WNT3: variants seen among roughly 807,000 people sequenced by gnomAD.
The protein encoded by WNT3 is proto-oncogene Wnt-3.
A neutral mutation model predicts 34.2 loss-of-function variants in WNT3; 7 were observed. That is an observed-to-expected ratio of 0.20 (90% confidence interval 0.12 to 0.38). WNT3 has a LOEUF of 0.38. Ranked by LOEUF, WNT3 falls within the 10% of genes least tolerant of loss-of-function variation. The probability of loss-of-function intolerance (pLI) is 1.00; values close to 1 mark genes in which losing one functional copy is unlikely to be tolerated. For missense variants in WNT3, 267 were observed against 499.8 expected (o/e 0.53, Z 4.44); for synonymous variants, 212 against 211.5 (o/e 1.00, Z -0.02).
At chr17:46,807,257 T>C (rs183529886) in intron 1 of WNT3, among the ~76,000 whole-genome samples, 1 of 152,294 alleles carries the variant, frequency 6.6e-6, no homozygotes, top group Non-Finnish European at 1.5e-5. Context: ...CCGAGGCAGG[T>C]GGATCACTTG....
At chr17:46,773,642 C>G (rs763518846) in intron 2 of WNT3, 26 bp downstream of exon 2, 3 of 861,692 alleles carry the variant, frequency 3.5e-6, no homozygotes, top group African/African-American at 1.8e-5. Flanking sequence ...CCAGCCCCTC[C>G]CCCCCCCTCA....
At chr17:46,786,806 G>A (rs1453224053) in intron 1 of WNT3, among the ~76,000 whole-genome samples, 1 of 152,182 alleles carries the variant, frequency 6.6e-6, no homozygotes, top group Admixed American at 6.5e-5. Flanking sequence ...CCCCCTAAAT[G>A]TCTAGTCTTG....
chr17:46,816,942 C>T (rs1006846647), intron 1 of WNT3, among the ~76,000 whole-genome samples: 5 of 152,236 alleles, frequency 3.3e-5, no homozygotes, highest in African/African-American at 4.8e-5. Context: ...GCCGAACCTC[C>T]TTCCTGAAGT....
At position 46,773,680 on chromosome 17, in the gene WNT3, C is replaced by T. The variant is rs780778750; in HGVS notation, c.310G>A (p.Val104Ile). ...IDDSLAIFGP[V>I]LDKATRESAF... ...CCCAAGGCAGTACCTTTGTCGAGGA[C>T]GGGCCCAAAGATGGCCAGGCTGTCA... The change falls in exon 2 of 5, where the codon GTC (valine) becomes ATC (isoleucine). Residue 104 changes from valine to isoleucine, a missense_variant. Transcript: ENST00000225512. 8.9e-6 allele frequency: 12 copies of T among 1,347,134 alleles called. No homozygotes were observed. Among genetic ancestry groups the T allele is most frequent in the East Asian group, 9.7e-5 (2 of 20,616 alleles). 83.4% of individuals were successfully genotyped at this position (1,347,134 alleles called of 1,614,324 possible).
In WNT3 at chr17:46,818,645, G is replaced by T. The variant is rs758899890; in HGVS notation, c.-48C>A. ...GTTTGCCCGCGACCATGAAGAGGGG[G>T]AGCGACGCCCCCAATAGTTGGAACA... On this transcript the variant is annotated 5_prime_UTR_variant, in exon 1 of 5. Coordinates refer to ENST00000225512, the MANE Select transcript of WNT3 (RefSeq NM_030753.5). 31 of 1,512,776 alleles carry T rather than the reference G, an allele frequency of 2.0e-5. 1 individual carries two copies. The African/African-American group carries it at 3.8e-4, about 19-fold the overall frequency. The allele number at this position is 1,512,776 out of a possible 1,614,324, so 93.7% of individuals were successfully genotyped here.
intron 1 of WNT3, among the ~76,000 whole-genome samples, chr17:46,816,513 A>ACACACC (rs2084351796): frequency 7.6e-6 from 1 of 131,816 alleles, no homozygotes; most frequent in African/African-American, 3.0e-5. Flanking sequence ...ACACACACAC[A>ACACACC]CACCTCTCTC....
chr17:46,808,645 T>C (rs1206697906), intron 1 of WNT3, among the ~76,000 whole-genome samples: 1 of 152,182 alleles, frequency 6.6e-6, no homozygotes, highest in African/African-American at 2.4e-5. Context: ...TAGCACATGG[T>C]CAACAAACGT....
intron 1 of WNT3, among the ~76,000 whole-genome samples, chr17:46,795,072 C>T (rs2084036294): frequency 6.6e-6 from 1 of 152,072 alleles, no homozygotes; most frequent in Non-Finnish European, 1.5e-5. Context: ...ATTTCTGAGA[C>T]ACCTGGTGGG....
At chr17:46,783,091 A>G (rs1263115076) in intron 1 of WNT3, among the ~76,000 whole-genome samples, 2 of 152,124 alleles carry the variant, frequency 1.3e-5, no homozygotes, top group East Asian at 1.9e-4. Context: ...CATTCTCTCA[A>G]CGGGGCCCTC....
intron 1 of WNT3, among the ~76,000 whole-genome samples, chr17:46,807,356 C>G (rs1362331681): frequency 6.6e-6 from 1 of 152,168 alleles, no homozygotes; most frequent in African/African-American, 2.4e-5. Flanking sequence ...GTGGCGCATG[C>G]CTATAATCCC....
At chr17:46,789,887 G>A (rs977178236) in intron 1 of WNT3, among the ~76,000 whole-genome samples, 2 of 152,218 alleles carry the variant, frequency 1.3e-5, no homozygotes, top group Non-Finnish European at 2.9e-5. Flanking sequence ...TCAGGGCAAC[G>A]ATTCCACTCT....
intron 1 of WNT3, among the ~76,000 whole-genome samples, chr17:46,797,818 G>A (rs754589606): frequency 5.3e-5 from 8 of 152,240 alleles, no homozygotes; most frequent in Non-Finnish European, 8.8e-5. Context: ...ACAATGCAGA[G>A]AGAGAATAGC....
chr17:46,818,206 G>A (rs1262814897), intron 1 of WNT3, among the ~76,000 whole-genome samples: 1 of 152,090 alleles, frequency 6.6e-6, no homozygotes, highest in African/African-American at 2.4e-5. Context: ...AGCAAATGGG[G>A]GGTCTTCGGG....
In WNT3 at chr17:46,769,835, C is replaced by G; in HGVS notation, c.536G>C (p.Arg179Thr). ...SREFADAREN[R>T]PDARSAMNKH... Reference sequence around the variant, plus strand: ...GTTCATGGCCGAGCGCGCGTCCGGCCTGTTCTCGCGCGCATCCGCGAACTC... The same window carrying G: ...GTTCATGGCCGAGCGCGCGTCCGGCGTGTTCTCGCGCGCATCCGCGAACTC... The change falls in exon 3 of 5, where the codon AGG (arginine) becomes ACG (threonine). Residue 179 changes from arginine (R) to threonine (T), a missense_variant. Transcript: ENST00000225512. 6.2e-7 allele frequency: 1 copy of G among 1,613,342 alleles called. No individual in the cohort carries two copies. Among genetic ancestry groups the G allele is most frequent in the South Asian group, 1.1e-5 (1 of 91,066 alleles).
At chr17:46,805,488 G>A (rs1380064052) in intron 1 of WNT3, among the ~76,000 whole-genome samples, 1 of 152,140 alleles carries the variant, frequency 6.6e-6, no homozygotes, top group African/African-American at 2.4e-5. Flanking sequence ...CAGGAGAATC[G>A]CTTGAACCGG....
chr17:46,815,943 G>A (rs934645490), intron 1 of WNT3, among the ~76,000 whole-genome samples: 3 of 152,256 alleles, frequency 2.0e-5, no homozygotes, highest in South Asian at 4.1e-4. Context: ...CCAGCACCTG[G>A]GGACAGGATC....
chr17:46,769,315 C>CAAAAAAAAAAA (rs60504646), intron 3 of WNT3, among the ~76,000 whole-genome samples: 2 of 102,862 alleles, frequency 1.9e-5, no homozygotes, highest in African/African-American at 3.6e-5. Context: ...GACTCCGTCT[C>CAAAAAAAAAAA]AAAAAAAAAA....
intron 1 of WNT3, among the ~76,000 whole-genome samples, chr17:46,796,892 C>T (rs995539058): frequency 9.2e-5 from 14 of 152,138 alleles, no homozygotes; most frequent in African/African-American, 2.4e-5. Flanking sequence ...CTAGTTTACA[C>T]GGGATGATTA....
intron 1 of WNT3, among the ~76,000 whole-genome samples, chr17:46,802,170 T>G (rs1215074924): frequency 2.0e-5 from 3 of 152,254 alleles, no homozygotes; most frequent in Non-Finnish European, 4.4e-5. Flanking sequence ...TGTATGCTAA[T>G]GAGCTGACGG....
Sources: allele counts gnomAD v4.1 joint callset (sites outside exome capture counted in the v4.1 genomes callset), GRCh38; gene constraint gnomAD v4.1.1; transcripts MANE v1.5; gene names NCBI Gene and HGNC (gene_info 2026-07-23, HGNC 2026-07-21).